DIP2C: variants seen among roughly 807,000 people sequenced by gnomAD.
DIP2C encodes the protein disco-interacting protein 2 homolog C.
Under a neutral mutation model 192.4 loss-of-function variants are expected in DIP2C, and 33 were observed. The ratio of observed to expected loss-of-function variants is 0.17; its 90% confidence interval spans 0.13 to 0.23. DIP2C has a LOEUF of 0.23. Ranked by LOEUF, DIP2C falls within the 10% of genes least tolerant of loss-of-function variation. The probability of loss-of-function intolerance (pLI) is 1.00; values close to 1 mark genes in which losing one functional copy is unlikely to be tolerated. For synonymous variants in DIP2C, 979 were observed against 864.1 expected (o/e 1.13, Z -2.33); for missense variants, 1,537 against 2,110.1 (o/e 0.73, Z 5.32).
chr10:289,511 T>A (rs1288162145), intron 32 of DIP2C, among the ~76,000 whole-genome samples: 1 of 152,120 alleles, frequency 6.6e-6, no homozygotes, highest in East Asian at 1.9e-4. Flanking sequence ...CAGATGATCC[T>A]CCTGTCTCAG....
intron 1 of DIP2C, among the ~76,000 whole-genome samples, chr10:522,448 G>A (rs539499911): frequency 7.0e-4 from 106 of 152,374 alleles, no homozygotes; most frequent in Non-Finnish European, 1.3e-3. Flanking sequence ...GACTGTGGTT[G>A]CTCCTGTGGT....
chr10:367,420 A>G (rs1277162399), intron 18 of DIP2C, among the ~76,000 whole-genome samples: 6 of 152,044 alleles, frequency 3.9e-5, no homozygotes, highest in Non-Finnish European at 7.4e-5. Flanking sequence ...GTCTCAGAAA[A>G]AAAAAAAAAA....
At chr10:278,183 C>T (rs1163477446) in intron 36 of DIP2C, among the ~76,000 whole-genome samples, 4 of 147,712 alleles carry the variant, frequency 2.7e-5, no homozygotes, top group Admixed American at 1.4e-4. Flanking sequence ...TGCGTGTGGA[C>T]GCCTAGGGCA....
intron 1 of DIP2C, among the ~76,000 whole-genome samples, chr10:676,215 T>C (rs1293613786): frequency 1.3e-5 from 2 of 152,214 alleles, no homozygotes; most frequent in African/African-American, 4.8e-5. Flanking sequence ...TCAGCGCTGC[T>C]TCATGATAAA....
At chr10:306,832 C>T (rs1302952354) in intron 32 of DIP2C, among the ~76,000 whole-genome samples, 1 of 152,204 alleles carries the variant, frequency 6.6e-6, no homozygotes, top group Non-Finnish European at 1.5e-5. Context: ...TTTACTTTGT[C>T]CTCACAGGTG....
At chr10:564,766 G>A (rs1564204287) in intron 1 of DIP2C, among the ~76,000 whole-genome samples, 1 of 152,054 alleles carries the variant, frequency 6.6e-6, no homozygotes, top group African/African-American at 2.4e-5. Flanking sequence ...CTACTCGGCC[G>A]AACACACCAG....
intron 1 of DIP2C, among the ~76,000 whole-genome samples, chr10:525,200 C>T (rs961156965): frequency 2.0e-5 from 3 of 152,148 alleles, no homozygotes; most frequent in Non-Finnish European, 2.9e-5. Flanking sequence ...AATTTTATCA[C>T]ATTTTCATTT....
At chr10:484,902 T>C (rs746632019) in intron 2 of DIP2C, 7 of 1,611,742 alleles carry the variant, frequency 4.3e-6, no homozygotes, top group Non-Finnish European at 5.9e-6. Flanking sequence ...TCGGCGCTCC[T>C]TCACTGTGCT....
At chr10:668,715 C>T (rs1187389456) in intron 1 of DIP2C, 1 of 152,220 alleles carries the variant, frequency 6.6e-6, no homozygotes, top group Non-Finnish European at 1.5e-5. Flanking sequence ...GAAAACAGCA[C>T]ATGCACAGTT....
At chr10:632,935 C>A in intron 1 of DIP2C, among the ~76,000 whole-genome samples, 1 of 151,912 alleles carries the variant, frequency 6.6e-6, no homozygotes, top group African/African-American at 2.4e-5. Flanking sequence ...CCGGTGTGAA[C>A]CCAGACTCCA....
intron 3 of DIP2C, among the ~76,000 whole-genome samples, chr10:448,520 G>A (rs372776632): frequency 1.3e-4 from 16 of 124,342 alleles, no homozygotes; most frequent in South Asian, 5.8e-4. Context: ...GCTCACTCCC[G>A]TTGATACTCA....
At chr10:533,610 A>G (rs1190304983) in intron 1 of DIP2C, among the ~76,000 whole-genome samples, 1 of 151,752 alleles carries the variant, frequency 6.6e-6, no homozygotes, top group East Asian at 1.9e-4. Flanking sequence ...CAGCTTAGGC[A>G]AACCTGCCTC....
At chr10:417,887 C>T (rs1193262839) in intron 6 of DIP2C, among the ~76,000 whole-genome samples, 1 of 108,346 alleles carries the variant, frequency 9.2e-6, no homozygotes, top group Admixed American at 8.9e-5. Context: ...TCCACCTGCA[C>T]CTGTCAGGGC....
At chr10:368,807 G>A (rs1301247184) in intron 18 of DIP2C, among the ~76,000 whole-genome samples, 2 of 152,236 alleles carry the variant, frequency 1.3e-5, no homozygotes, top group Non-Finnish European at 1.5e-5. Context: ...ACAGGCTCCA[G>A]GATTCCCAGC....
intron 34 of DIP2C, among the ~76,000 whole-genome samples, chr10:285,711 C>T (rs1048061103): frequency 1.1e-4 from 16 of 152,244 alleles, no homozygotes; most frequent in African/African-American, 2.4e-4. Flanking sequence ...CTCCACGAGG[C>T]GTCTTTCTCT....
At chr10:351,669 G>C (rs1250900025) in intron 24 of DIP2C, among the ~76,000 whole-genome samples, 1 of 152,186 alleles carries the variant, frequency 6.6e-6, no homozygotes, top group Non-Finnish European at 1.5e-5. Context: ...AGCAGAGATG[G>C]GCAGAGACAA....
chr10:319,715 A>G (rs1005783412), intron 31 of DIP2C, among the ~76,000 whole-genome samples: 1 of 152,262 alleles, frequency 6.6e-6, no homozygotes, highest in Non-Finnish European at 1.5e-5. Flanking sequence ...TCATAAATTT[A>G]GTAAATTGAA....
chr10:548,911 C>CAAAAAAAAAAAAAAAAAAAAAAAAAA (rs61437915), intron 1 of DIP2C, among the ~76,000 whole-genome samples: 6 of 26,458 alleles, frequency 2.3e-4, no homozygotes, highest in African/African-American at 5.4e-4. Context: ...TAGCAGCTCA[C>CAAAAAAAAAAAAAAAAAAAAAAAAAA]AAAAAAAAAA....
At chr10:504,947 G>A (rs1033639976) in intron 1 of DIP2C, among the ~76,000 whole-genome samples, 2 of 152,092 alleles carry the variant, frequency 1.3e-5, no homozygotes, top group Non-Finnish European at 2.9e-5. Flanking sequence ...TTCCATATGA[G>A]CTCATGTGAC....
Sources: gnomAD v4.1 joint callset for allele counts (sites outside exome capture counted in the v4.1 genomes callset) on GRCh38, gnomAD v4.1.1 for gene constraint, MANE v1.5 for transcripts, NCBI Gene and HGNC (gene_info 2026-07-23, HGNC 2026-07-21) for gene names.